Variants in LUZP2 observed in about 807,000 individuals in gnomAD.
The protein encoded by LUZP2 is leucine zipper protein 2.
A neutral mutation model predicts 51.6 loss-of-function variants in LUZP2; 52 were observed. That is an observed-to-expected ratio of 1.01 (90% CI 0.81 to 1.27). LUZP2 has a LOEUF of 1.27. Ranked by LOEUF, LUZP2 falls within the 50% of genes most tolerant of loss-of-function variation. The pLI is 0.00. For synonymous variants in LUZP2, 154 were observed against 137.3 expected, an observed-to-expected ratio of 1.12 and a Z score of -0.85; for missense variants, 436 against 395.4, an observed-to-expected ratio of 1.10 and a Z score of -0.87.
intron 5 of LUZP2, among the ~76,000 whole-genome samples, chr11:24,869,848 C>T (rs1334697293): frequency 6.6e-6 from 1 of 152,074 alleles, no homozygotes; most frequent in East Asian, 1.9e-4. Flanking sequence ...TCGCAAGTCT[C>T]TTACTTTAAA....
intron 1 of LUZP2, among the ~76,000 whole-genome samples, chr11:24,722,910 T>G (rs1213314213): frequency 6.6e-5 from 10 of 150,426 alleles, no homozygotes; most frequent in South Asian, 4.2e-4. Flanking sequence ...GAGTGAGACC[T>G]CATATTAAAA....
chr11:24,919,588 T>A lies in LUZP2; in HGVS notation c.522+5050T>A, dbSNP rs76348032. 6.6e-3 allele frequency among the ~76,000 whole-genome samples: 929 copies of A among 140,176 alleles called. 59 individuals are homozygous for A. The highest frequency in any genetic ancestry group is 0.026 in the African/African-American group (899 of 35,024). 92.0% of individuals were successfully genotyped at this position (140,176 alleles called of 152,430 possible). On this transcript the variant is annotated intron_variant, in intron 7 of 11. Transcript: ENST00000336930. ...TAATTTTTAATTTAAATACACAGGA[T>A]AGCTTTTAATTTTATGTAGATATAC...
At position 25,027,231 on chromosome 11, in the gene LUZP2, A is replaced by G. The variant is rs1211851126; in HGVS notation, c.766-22807A>G. Among the ~76,000 whole-genome samples the G allele has an allele frequency of 2.0e-5, 3 of 152,160 alleles. No individual in the cohort carries two copies. The East Asian group carries it at 5.8e-4, about 29-fold the overall frequency. ...GTTATTTTGAAATATTATTATACAC[A>G]TTTATTAATAATGGGATAATTCATA... On this transcript the variant is annotated intron_variant, in intron 9 of 11. Transcript: ENST00000336930.
intron 1 of LUZP2, among the ~76,000 whole-genome samples, chr11:24,544,610 A>G (rs1007915304): frequency 1.1e-4 from 17 of 152,130 alleles, no homozygotes; most frequent in Admixed American, 3.3e-4. Flanking sequence ...TGCAAAGGAC[A>G]TGATCTCATT....
At chr11:24,921,210 G>A (rs1270982724) in intron 7 of LUZP2, among the ~76,000 whole-genome samples, 1 of 152,092 alleles carries the variant, frequency 6.6e-6, no homozygotes, top group East Asian at 1.9e-4. Context: ...AGAGACAGAG[G>A]GAGGGGGGCT....
chr11:24,753,547 T>C (rs774794002), intron 4 of LUZP2, among the ~76,000 whole-genome samples: 8 of 152,190 alleles, frequency 5.3e-5, no homozygotes, highest in Non-Finnish European at 7.3e-5. Flanking sequence ...ACACGCCTTC[T>C]GTTTTACAGT....
chr11:24,531,561 G>A (rs1851001201), intron 1 of LUZP2, among the ~76,000 whole-genome samples: 1 of 150,592 alleles, frequency 6.6e-6, no homozygotes, highest in Admixed American at 6.6e-5. Flanking sequence ...GTATCTATTA[G>A]CCCACCTCTG....
chr11:24,804,998 C>A (rs558469904), intron 5 of LUZP2, among the ~76,000 whole-genome samples: 2 of 131,522 alleles, frequency 1.5e-5, no homozygotes, highest in Non-Finnish European at 3.3e-5. Flanking sequence ...TGCCACCACA[C>A]CCGGCTAACT....
intron 5 of LUZP2, among the ~76,000 whole-genome samples, chr11:24,776,583 G>T (rs1180628393): frequency 1.3e-5 from 2 of 152,102 alleles, no homozygotes; most frequent in Non-Finnish European, 2.9e-5. Flanking sequence ...ATAGAATGCA[G>T]TAATAATGTA....
intron 9 of LUZP2, among the ~76,000 whole-genome samples, chr11:25,032,911 G>A (rs1043715879): frequency 6.6e-6 from 1 of 152,150 alleles, no homozygotes; most frequent in African/African-American, 2.4e-5. Context: ...CCAAGATTTT[G>A]TTAAGAATCA....
intron 1 of LUZP2, among the ~76,000 whole-genome samples, chr11:24,624,170 A>G (rs896210867): frequency 6.6e-6 from 1 of 152,210 alleles, no homozygotes; most frequent in Admixed American, 6.5e-5. Context: ...AGCTAGTATA[A>G]GAAAAATACT....
rs372103260 is a variant in LUZP2 at position 24,627,068 on chromosome 11, T to C, written c.63-102101T>C. Among the ~76,000 whole-genome samples the C allele has an allele frequency of 2.6e-5, 4 of 152,164 alleles. No individual in the cohort carries two copies. In the East Asian group the frequency reaches 5.8e-4, roughly 22 times the overall value. On this transcript the variant is annotated intron_variant, in intron 1 of 11. Coordinates refer to ENST00000336930, the MANE Select transcript of LUZP2 (RefSeq NM_001009909.4). Reference sequence around the variant, plus strand: ...AGAAAAAGTTAATAAACACTTTTGATTGAGTAGAAAGACAATAATAAATCA... The same window carrying C: ...AGAAAAAGTTAATAAACACTTTTGACTGAGTAGAAAGACAATAATAAATCA...
intron 10 of LUZP2, among the ~76,000 whole-genome samples, chr11:25,054,959 C>A (rs1028051785): frequency 6.8e-5 from 8 of 116,828 alleles, no homozygotes; most frequent in Non-Finnish European, 1.3e-4. Context: ...GTTTTTTTTT[C>A]AATCCATAAA....
intron 1 of LUZP2, among the ~76,000 whole-genome samples, chr11:24,583,729 A>T (rs1243723405): frequency 6.9e-6 from 1 of 145,052 alleles, no homozygotes; most frequent in Non-Finnish European, 1.5e-5. Context: ...TTTGAGATGG[A>T]GTCTCGCTCT....
chr11:24,754,213 T>A (rs568835779), intron 4 of LUZP2, among the ~76,000 whole-genome samples: 1 of 152,148 alleles, frequency 6.6e-6, no homozygotes, highest in African/African-American at 2.4e-5. Flanking sequence ...CCCAGACTGG[T>A]CTTGAACTCC....
intron 5 of LUZP2, among the ~76,000 whole-genome samples, chr11:24,807,400 G>T (rs1228317478): frequency 6.6e-6 from 1 of 150,682 alleles, no homozygotes; most frequent in East Asian, 1.9e-4. Context: ...GGCGGAGGTT[G>T]CAATGAACTG....
At chr11:24,619,016 A>G (rs1387885103) in intron 1 of LUZP2, among the ~76,000 whole-genome samples, 1 of 105,564 alleles carries the variant, frequency 9.5e-6, no homozygotes, top group Non-Finnish European at 2.0e-5. Flanking sequence ...TTATTTATTT[A>G]TTTATTTATT....
rs138804687 is a variant in LUZP2 at position 24,639,043 on chromosome 11, T to C, written c.63-90126T>C. 4.0e-3 allele frequency among the ~76,000 whole-genome samples: 605 copies of C among 151,944 alleles called. 5 individuals are homozygous for C. Among genetic ancestry groups the C allele is most frequent in the Non-Finnish European group, 6.3e-3 (425 of 67,970 alleles). ...CTGTTATACTAAAAGCTCTAGACTC[T>C]TACCTTCTCTACAAATCTTCAGTCT... On this transcript the variant is annotated intron_variant, in intron 1 of 11. Coordinates refer to ENST00000336930, the MANE Select transcript of LUZP2 (RefSeq NM_001009909.4).
At chr11:24,697,860 T>C (rs1029719897) in intron 1 of LUZP2, among the ~76,000 whole-genome samples, 6 of 152,164 alleles carry the variant, frequency 3.9e-5, no homozygotes, top group Admixed American at 1.3e-4. Context: ...TTTCAGACTT[T>C]TGCATTCTGA....
Sources: allele counts gnomAD v4.1 joint callset (sites outside exome capture counted in the v4.1 genomes callset), GRCh38; gene constraint gnomAD v4.1.1; transcripts MANE v1.5; gene names NCBI Gene and HGNC (gene_info 2026-07-23, HGNC 2026-07-21).